The following SLC22A9 variants were observed in gnomAD, a reference collection of about 807,000 sequenced individuals.
SLC22A9 encodes the protein solute carrier family 22 member 9.
A neutral mutation model predicts 50.1 loss-of-function variants in SLC22A9; 64 were observed. The observed-to-expected ratio is 1.28, with a 90% confidence interval of 1.04 to 1.57. The LOEUF (loss-of-function observed/expected upper bound fraction) is 1.57. SLC22A9 is among the 40% of genes most tolerant of loss of function. SLC22A9 has a pLI of 0.00. For missense variants in SLC22A9, 757 were observed against 676.1 expected, an observed-to-expected ratio of 1.12 and a Z score of -1.33; for synonymous variants, 261 against 242.5, an observed-to-expected ratio of 1.08 and a Z score of -0.71.
chr11:63,373,545 T>G (rs2014402204), intron 2 of SLC22A9, 99 bp from the exon 3 acceptor site: 1 of 1,241,192 alleles, frequency 8.1e-7, no homozygotes, highest in African/African-American at 1.5e-5. Context: ...AAGTTTCACT[T>G]GTTAAACATC....
chr11:63,397,954 T>G (rs771774454), intron 6 of SLC22A9, among the ~76,000 whole-genome samples: 12 of 151,844 alleles, frequency 7.9e-5, no homozygotes, highest in African/African-American at 2.7e-4. Context: ...GTAGAAGGAG[T>G]GTCTCCCCTT....
intron 6 of SLC22A9, among the ~76,000 whole-genome samples, chr11:63,385,155 A>G (rs2014643250): frequency 9.5e-6 from 1 of 105,264 alleles, no homozygotes. Context: ...TAGTTTAATT[A>G]GATCCTATGG....
In SLC22A9 at chr11:63,369,790, C is replaced by T. The variant is rs1206305952; in HGVS notation, c.-267C>T. On this transcript the variant is annotated 5_prime_UTR_variant, in exon 1 of 10. Coordinates refer to ENST00000279178, the MANE Select transcript of SLC22A9 (RefSeq NM_080866.3). The stretch of plus-strand genomic sequence containing the variant: ...ACATGAAAAAGTAGAATTTTAAACA[C>T]ATTTCATTGTAAACGACTGGGAGTA... 2.5e-6 allele frequency: 1 copy of T among 396,588 alleles called. No homozygotes were observed. Among genetic ancestry groups the T allele is most frequent in the African/African-American group, 2.1e-5 (1 of 48,546 alleles). The allele number at this position is 396,588 out of a possible 1,614,324, so 24.6% of individuals were successfully genotyped here.
At chr11:63,408,981 T>A in intron 9 of SLC22A9, 102 bp downstream of exon 9, 3 of 1,275,788 alleles carry the variant, frequency 2.4e-6, no homozygotes, top group Non-Finnish European at 2.3e-6. Context: ...TCAAAAGGCT[T>A]AGACTTAGGA....
chr11:63,373,135 C>T (rs118023931), intron 2 of SLC22A9, among the ~76,000 whole-genome samples: 1,589 of 134,778 alleles, frequency 0.012, 14 homozygotes, highest in African/African-American at 0.019. Context: ...TTTTTTTTTT[C>T]TTTTTTTTTT....
At chr11:63,376,461 G>A (rs1012907825) in intron 5 of SLC22A9, among the ~76,000 whole-genome samples, 1 of 151,788 alleles carries the variant, frequency 6.6e-6, no homozygotes, top group African/African-American at 2.4e-5. Context: ...CATATATAAA[G>A]TATTAATCTT....
chr11:63,406,394 T>C, intron 6 of SLC22A9, 103 bp from the exon 7 acceptor site: 1 of 993,076 alleles, frequency 1.0e-6, no homozygotes, highest in Non-Finnish European at 1.5e-6. Flanking sequence ...ACCCAGCCTT[T>C]ATACTTTAAC....
intron 6 of SLC22A9, among the ~76,000 whole-genome samples, chr11:63,393,045 G>A (rs187745341): frequency 3.9e-5 from 6 of 152,082 alleles, no homozygotes; most frequent in African/African-American, 1.4e-4. Context: ...TATTTTCATG[G>A]GAATCGCATT....
intron 2 of SLC22A9, 39 bp from the exon 3 acceptor site, chr11:63,373,605 G>C: frequency 6.8e-7 from 1 of 1,477,160 alleles, no homozygotes; most frequent in East Asian, 2.5e-5. Flanking sequence ...TCCACTTGTT[G>C]TTATTGTTCC....
At chr11:63,375,512 GAGTTTACATTTCCTGGTA>G in intron 4 of SLC22A9, 115 bp from the exon 5 acceptor site, 3 of 1,246,264 alleles carry the variant, frequency 2.4e-6, no homozygotes, top group Non-Finnish European at 2.2e-6. Context: ...AAGAGAATGT[GAGTTTACATTTCCTGGTA>G]AAACCAAACA....
intron 2 of SLC22A9, among the ~76,000 whole-genome samples, chr11:63,372,457 G>A (rs1052312053): frequency 1.3e-5 from 2 of 152,030 alleles, no homozygotes; most frequent in Non-Finnish European, 2.9e-5. Context: ...ATTTGGTTAG[G>A]TACCACAAGA....
In SLC22A9 at chr11:63,409,010, G is replaced by A. The variant is rs149085441; in HGVS notation, c.1601+131G>A. 62 of 973,892 alleles carry A rather than the reference G, an allele frequency of 6.4e-5. No individual in the cohort carries two copies. The African/African-American group carries it at 8.1e-4, about 13-fold the overall frequency. 60.3% of individuals were successfully genotyped at this position (973,892 alleles called of 1,614,324 possible). A position where few individuals can be genotyped will look rare whatever the true frequency, so the allele number is the denominator to read the frequency against. ...CTTAGGATTTTCCCATGTAATCAGT[G>A]CCTTAGGTCTAGGTACAGCCACATG... On this transcript the variant is annotated intron_variant, in intron 9 of 9. Coordinates refer to ENST00000279178, the MANE Select transcript of SLC22A9 (RefSeq NM_080866.3).
intron 5 of SLC22A9, among the ~76,000 whole-genome samples, chr11:63,378,600 T>C (rs950101362): frequency 2.6e-5 from 4 of 152,158 alleles, no homozygotes; most frequent in South Asian, 2.1e-4. Context: ...ACATACAATA[T>C]GATCTTATAC....
chr11:63,386,734 C>A (rs1253255184), intron 6 of SLC22A9, among the ~76,000 whole-genome samples: 1 of 151,562 alleles, frequency 6.6e-6, no homozygotes, highest in Admixed American at 6.6e-5. Flanking sequence ...ATTAGTCTAG[C>A]TAGCAGTCTA....
intron 6 of SLC22A9, among the ~76,000 whole-genome samples, chr11:63,383,655 C>CA (rs1565184013): frequency 6.6e-6 from 1 of 151,872 alleles, no homozygotes; most frequent in South Asian, 2.1e-4. Flanking sequence ...CAAAAGGGAA[C>CA]AAAAAAATCC....
intron 6 of SLC22A9, among the ~76,000 whole-genome samples, chr11:63,399,735 G>A (rs1276357413): frequency 6.6e-6 from 1 of 152,074 alleles, no homozygotes; most frequent in Non-Finnish European, 1.5e-5. Flanking sequence ...CTCAGCAAAT[G>A]CAGGATGTAC....
intron 6 of SLC22A9, among the ~76,000 whole-genome samples, chr11:63,391,740 C>T (rs1010655832): frequency 6.6e-6 from 1 of 151,656 alleles, no homozygotes; most frequent in Non-Finnish European, 1.5e-5. Flanking sequence ...TCATTGAGTC[C>T]TGTTCTTAAT....
intron 5 of SLC22A9, among the ~76,000 whole-genome samples, chr11:63,376,214 T>C (rs1448295749): frequency 6.6e-6 from 1 of 152,114 alleles, no homozygotes; most frequent in Non-Finnish European, 1.5e-5. Context: ...CCATTTATGA[T>C]ACATTTAGTG....
At chr11:63,399,488 A>T in intron 6 of SLC22A9, among the ~76,000 whole-genome samples, 1 of 152,228 alleles carries the variant, frequency 6.6e-6, no homozygotes, top group South Asian at 2.1e-4. Context: ...GGGTCAAATC[A>T]GTAAGAAGAT....
Sources: allele counts gnomAD v4.1 joint callset (sites outside exome capture counted in the v4.1 genomes callset), GRCh38; gene constraint gnomAD v4.1.1; transcripts MANE v1.5; gene names NCBI Gene and HGNC (gene_info 2026-07-23, HGNC 2026-07-21).